CARD10: variants seen among roughly 807,000 people sequenced by gnomAD.
CARD10 encodes caspase recruitment domain family member 10, also known as caspase recruitment domain-containing protein 10.
Under a neutral mutation model 114.6 loss-of-function variants are expected in CARD10, and 49 were observed. The ratio of observed to expected loss-of-function variants is 0.43; its 90% CI spans 0.34 to 0.54. The LOEUF is 0.54. Ranked by LOEUF, CARD10 falls within the 20% of genes least tolerant of loss-of-function variation. The probability of loss-of-function intolerance (pLI) is 0.03; values close to 1 mark genes in which losing one functional copy is unlikely to be tolerated. For missense variants in CARD10, 1,206 were observed against 1,397.2 expected, an observed-to-expected ratio of 0.86 and a Z score of 2.18; for synonymous variants, 602 against 593.2, an observed-to-expected ratio of 1.01 and a Z score of -0.21.
chr22:37,497,658 T>C (rs1292468736), intron 11 of CARD10, among the ~76,000 whole-genome samples: 2 of 151,988 alleles, frequency 1.3e-5, no homozygotes, highest in African/African-American at 4.8e-5. Context: ...GGTCAGGAGT[T>C]CGAGACCAGC....
rs527779113 is a variant in CARD10, at chr22:37,505,153, C to G, written c.1384-384G>C. On this transcript the variant is annotated intron_variant, in intron 7 of 19. Coordinates refer to ENST00000251973, the MANE Select transcript of CARD10 (RefSeq NM_014550.4). ...CCCTGAGGCAGGACTGTGATGCATT[C>G]CAGTTGAAAGACTGGAACCCACAGA... Among the ~76,000 whole-genome samples, 8 of 152,188 alleles carry G rather than the reference C, an allele frequency of 5.3e-5. No homozygotes were observed. The East Asian group carries it at 1.5e-3, about 29-fold the overall frequency.
chr22:37,505,150 A>G (rs901856230), intron 7 of CARD10, among the ~76,000 whole-genome samples: 1 of 152,102 alleles, frequency 6.6e-6, no homozygotes, highest in Admixed American at 6.6e-5. Flanking sequence ...ACTGTGATGC[A>G]TTCCAGTTGA....
intron 4 of CARD10, 31 bp from the exon 5 acceptor site, chr22:37,508,713 G>A (rs1474213745): frequency 6.5e-7 from 1 of 1,530,270 alleles, no homozygotes; most frequent in Non-Finnish European, 8.8e-7. Context: ...CCACCTCAGG[G>A]TCTGGCTAGG....
intron 11 of CARD10, among the ~76,000 whole-genome samples, chr22:37,499,464 A>G (rs893878370): frequency 1.3e-5 from 2 of 152,088 alleles, no homozygotes. Context: ...ACCAGAGCCC[A>G]GTAAGCAGCT....
chr22:37,516,083 G>C lies in CARD10; in HGVS notation c.589C>G (p.Leu197Val). The change falls in exon 3 of 20, where the codon CTG becomes GTG. Residue 197 changes from leucine (L) to valine (V), a missense_variant. Leu to Val is a conservative substitution (Grantham distance 32). This residue lies in a region of CARD10 where 1,068 missense variants were observed against 1,179.1 expected (regional missense o/e 0.91). Coordinates refer to ENST00000251973, the MANE Select transcript of CARD10 (RefSeq NM_014550.4). ...RLREDWEAGS[L>V]ELLRLKDENY... ...TCATCCTTGAGCCGCAGCAGCTCCA[G>C]GCTGCCCGCCTCCCAGTCCTCCCGC... is the stretch of plus-strand genomic sequence containing the variant. The C allele has an allele frequency of 6.3e-7, 1 of 1,596,098 alleles. No individual in the cohort carries two copies. The highest frequency in any genetic ancestry group is 8.5e-7 in the Non-Finnish European group (1 of 1,171,896).
Position 37,492,734 on chromosome 22 carries a change from C to T in CARD10, c.2545G>A (p.Val849Met). ...GGCGCCAGGCACTCAGGCAACAGCA[C>T]CACGGGCCGCAGGGCAGACACCAGT... ...PLLVSALRPV[V>M]LLPECLAPRL... The change falls in exon 17 of 20, where the codon GTG (valine) becomes ATG (methionine). Residue 849 changes from valine to methionine, a missense_variant. Transcript: ENST00000251973. The surrounding 1 kb of genome is among the most constrained non-coding windows in gnomAD (Gnocchi z 5.7). The T allele has an allele frequency of 1.9e-6, 3 of 1,613,014 alleles. No homozygotes were observed. The highest frequency in any genetic ancestry group is 2.5e-6 in the Non-Finnish European group (3 of 1,179,936).
intron 4 of CARD10, among the ~76,000 whole-genome samples, chr22:37,509,413 C>A (rs1034618845): frequency 1.3e-5 from 2 of 152,130 alleles, no homozygotes; most frequent in Middle Eastern, 3.2e-3. Flanking sequence ...CTAGACCAGA[C>A]AACCAGGGAC....
rs986253144 is a variant in CARD10, at chr22:37,492,951, G to A, written c.2477-149C>T. 8 of 792,856 alleles carry A rather than the reference G, an allele frequency of 1.0e-5. No individual in the cohort carries two copies. The highest frequency in any genetic ancestry group is 2.8e-5 in the Admixed American group (1 of 35,974). The allele number at this position is 792,856 out of a possible 1,614,324, so 49.1% of individuals were successfully genotyped here. On this transcript the variant is annotated intron_variant, in intron 16 of 19. Transcript: ENST00000251973. This position sits in a 1 kb window ranked among gnomAD's most constrained non-coding sequence, Gnocchi z 5.7. ...CATGCACACACACACACCCTTAGTA[G>A]GACCGACGGTGGCAGTAGGCTCCTC...
intron 3 of CARD10, among the ~76,000 whole-genome samples, chr22:37,514,444 C>T (rs1923766436): frequency 6.6e-6 from 1 of 152,116 alleles, no homozygotes; most frequent in Admixed American, 6.6e-5. Context: ...CTCAGAAAGC[C>T]TCCGTCTCCT....
At chr22:37,494,656 CACTA>C (rs1285678429) in intron 15 of CARD10, 13 of 179,926 alleles carry the variant, frequency 7.2e-5, no homozygotes, top group Non-Finnish European at 1.4e-4. Context: ...GACAGACACT[CACTA>C]AGCCCCTGAG....
chr22:37,496,926 C>T lies in CARD10; in HGVS notation c.1947+93G>A. 7.1e-7 allele frequency: 1 copy of T among 1,410,814 alleles called. No individual in the cohort carries two copies. The highest frequency in any genetic ancestry group is 9.6e-7 in the Non-Finnish European group (1 of 1,042,442). 87.4% of individuals were successfully genotyped at this position (1,410,814 alleles called of 1,614,324 possible). ...CGGCTTTGACCAATCCCCAGAAGCT[C>T]TGCCCGGTGATCTTGATCCACCAAA... On this transcript the variant is annotated intron_variant, in intron 12 of 19. Coordinates refer to ENST00000251973, the MANE Select transcript of CARD10 (RefSeq NM_014550.4). The surrounding 1 kb of genome is among the most constrained non-coding windows in gnomAD (Gnocchi z 4.1).
chr22:37,510,647 C>G (rs1476085573), intron 3 of CARD10: 1 of 542,486 alleles, frequency 1.8e-6, no homozygotes, highest in Non-Finnish European at 3.3e-6. Flanking sequence ...GGACACCCTC[C>G]CAGGGGAATC....
intron 2 of CARD10, 71 bp downstream of exon 2, chr22:37,517,900 C>A: frequency 6.4e-7 from 1 of 1,568,156 alleles, no homozygotes; most frequent in South Asian, 1.1e-5. Context: ...GAGCGCCTCC[C>A]TAACAGGGAT....
intron 3 of CARD10, among the ~76,000 whole-genome samples, chr22:37,512,830 A>G (rs1304851356): frequency 1.3e-5 from 2 of 152,194 alleles, no homozygotes; most frequent in African/African-American, 4.8e-5. Context: ...ATCCCGGCGT[A>G]CAAACTCACT....
Position 37,507,828 on chromosome 22 carries a change from C to CTG in CARD10, c.1191_1191+1insCA (p.Ala398GlnfsTer38). The stretch of plus-strand genomic sequence containing the variant: ...GCCTCGTACACGCAGGCTGGGCTCA[C>CTG]CTGGTCTCGCTCCTTCTCAATCTCC... On this transcript the variant is annotated frameshift_variant and splice_region_variant. Coordinates refer to ENST00000251973, the MANE Select transcript of CARD10 (RefSeq NM_014550.4). LOFTEE classifies it high-confidence loss of function. 4 of 1,614,160 alleles carry CTG rather than the reference C, an allele frequency of 2.5e-6. No homozygotes were observed. The highest frequency in any genetic ancestry group is 3.4e-6 in the Non-Finnish European group (4 of 1,179,998).
chr22:37,491,764 C>A lies in CARD10; in HGVS notation c.2855G>T (p.Arg952Leu). The A allele has an allele frequency of 1.9e-6, 3 of 1,596,290 alleles. No individual in the cohort carries two copies. Among genetic ancestry groups the A allele is most frequent in the East Asian group, 2.2e-5 (1 of 44,536 alleles). ...CACCCACCCACCTCACCTGACTTCC[C>A]GGACATTCTTCTCAGTCACCTCCAC... is the stretch of plus-strand genomic sequence containing the variant. The part of the protein sequence containing the change: ...IHVEVTEKNV[R>L]EVRGLLGRPG... The change falls in exon 19 of 20, where the codon CGG becomes CTG. Residue 952 changes from arginine to leucine, a missense_variant. Transcript: ENST00000251973.
Position 37,516,136 on chromosome 22 carries a change from T to A in CARD10, c.536A>T (p.Gln179Leu). The A allele has an allele frequency of 6.3e-7, 1 of 1,596,216 alleles. No homozygotes were observed. The highest frequency in any genetic ancestry group is 8.5e-7 in the Non-Finnish European group (1 of 1,172,006). Reference sequence around the variant, plus strand: ...CCGTTGACAGCGCTCCTGAGCCTGCTGCTGGTCCCGCAGCCGCTGCTCCAG... The same window carrying A: ...CCGTTGACAGCGCTCCTGAGCCTGCAGCTGGTCCCGCAGCCGCTGCTCCAG... ...AGLEQRLRDQ[Q>L]QAQERCQRLR... is the part of the protein sequence containing the mutation. The change falls in exon 3 of 20, where the codon CAG becomes CTG. Residue 179 changes from glutamine to leucine, a missense_variant. Physicochemically the swap from Gln to Leu is moderately radical, Grantham distance 113 (BLOSUM62 -2). Coordinates refer to ENST00000251973, the MANE Select transcript of CARD10 (RefSeq NM_014550.4).
intron 15 of CARD10, among the ~76,000 whole-genome samples, 176 bp downstream of exon 15, chr22:37,495,341 C>G (rs1922958841): frequency 6.6e-6 from 1 of 152,186 alleles, no homozygotes. Context: ...TCTAAACTAC[C>G]CTGGACGGTG....
At position 37,516,317 on chromosome 22, in the gene CARD10, G is replaced by A. The variant is rs1214950454; in HGVS notation, c.374-19C>T. On this transcript the variant is annotated intron_variant, in intron 2 of 19. Coordinates refer to ENST00000251973, the MANE Select transcript of CARD10 (RefSeq NM_014550.4). ...TCCTCATCTGCCAGGACAGAACAGG[G>A]GACAGAATAGGCAGCTCAGGCAAGT... The A allele has an allele frequency of 1.9e-6, 3 of 1,542,418 alleles. No individual in the cohort carries two copies. In the South Asian group the frequency reaches 3.6e-5, roughly 19 times the overall value.
Sources: gnomAD v4.1 joint callset for allele counts (sites outside exome capture counted in the v4.1 genomes callset) on GRCh38, gnomAD v4.1.1 for gene constraint, gnomAD v4.1.1 regional missense constraint, Gnocchi (gnomAD v3.1) non-coding constraint, MANE v1.5 for transcripts, NCBI Gene and HGNC (gene_info 2026-07-23, HGNC 2026-07-21) for gene names.